CFHR5: variants seen among roughly 807,000 people sequenced by gnomAD.
CFHR5 encodes the protein complement factor H-related protein 5.
CFHR5 carries 73 observed loss-of-function variants against 62.9 expected under a neutral mutation model. The observed-to-expected ratio is 1.16, with a 90% CI of 0.96 to 1.41. The LOEUF (loss-of-function observed/expected upper bound fraction) is 1.41, where lower values mean the gene tolerates loss of function less well. Among genes scored for constraint, CFHR5 ranks in the 40% most tolerant of loss-of-function variants. CFHR5 has a pLI of 0.00. For missense variants in CFHR5, 779 were observed against 679.9 expected, an observed-to-expected ratio of 1.15 and a Z score of -1.62; for synonymous variants, 249 against 227.2, an observed-to-expected ratio of 1.10 and a Z score of -0.86.
At chr1:196,991,550 GT>G (rs1653847671) in intron 3 of CFHR5, among the ~76,000 whole-genome samples, 1 of 152,130 alleles carries the variant, frequency 6.6e-6, no homozygotes, top group Admixed American at 6.6e-5. Flanking sequence ...ATGGGGTTTT[GT>G]TGTGGATGTC....
intron 3 of CFHR5, among the ~76,000 whole-genome samples, chr1:196,991,432 G>A (rs1373814770): frequency 1.3e-5 from 2 of 152,116 alleles, no homozygotes; most frequent in African/African-American, 4.8e-5. Context: ...TGATCCTTTG[G>A]AGGAGAAGAG....
At chr1:196,988,042 C>T (rs193235684) in intron 3 of CFHR5, among the ~76,000 whole-genome samples, 67 of 152,200 alleles carry the variant, frequency 4.4e-4, no homozygotes, top group East Asian at 2.1e-3. Flanking sequence ...TCTTTTATTT[C>T]GCTGAGCAGT....
In CFHR5 at chr1:196,994,228, G is replaced by C; in HGVS notation, c.579G>C (p.Gly193=). The C allele has an allele frequency of 6.2e-7, 1 of 1,613,572 alleles. No homozygotes were observed. The highest frequency in any genetic ancestry group is 8.5e-7 in the Non-Finnish European group (1 of 1,179,724). ...GSDSVQCYQF[G]WSPNFPTCKG... is the part of the protein sequence containing the mutation. Reference sequence around the variant, plus strand: ...ACTCAGTTCAATGTTACCAATTTGGGTGGTCACCTAACTTTCCAACATGCA... The same window carrying C: ...ACTCAGTTCAATGTTACCAATTTGGCTGGTCACCTAACTTTCCAACATGCA... Residue 193 remains glycine (G), a synonymous_variant, in exon 4 of 10, where the codon GGG becomes GGC. Coordinates refer to ENST00000256785, the MANE Select transcript of CFHR5 (RefSeq NM_030787.4).
intron 1 of CFHR5, among the ~76,000 whole-genome samples, chr1:196,982,305 A>G (rs1206267905): frequency 6.6e-6 from 1 of 152,178 alleles, no homozygotes; most frequent in Non-Finnish European, 1.5e-5. Context: ...GTGTGAGGAT[A>G]TTGTTCTTGA....
chr1:196,986,273 C>T (rs1653679173), intron 3 of CFHR5, among the ~76,000 whole-genome samples: 1 of 152,048 alleles, frequency 6.6e-6, no homozygotes, highest in East Asian at 1.9e-4. Context: ...ATGGCGTCAT[C>T]TCTGGGGGCC....
intron 9 of CFHR5, among the ~76,000 whole-genome samples, chr1:197,006,691 A>C (rs932162428): frequency 4.8e-5 from 7 of 144,768 alleles, no homozygotes; most frequent in Non-Finnish European, 7.6e-5. Context: ...CAGCCTGGGC[A>C]ACAAGAGTGA....
intron 3 of CFHR5, among the ~76,000 whole-genome samples, chr1:196,987,944 A>C (rs192324229): frequency 6.6e-6 from 1 of 152,138 alleles, no homozygotes; most frequent in African/African-American, 2.4e-5. Flanking sequence ...CATTGACTCT[A>C]TAAATTACCT....
chr1:196,979,201 A>G (rs1466599517), intron 1 of CFHR5, among the ~76,000 whole-genome samples: 4 of 152,092 alleles, frequency 2.6e-5, no homozygotes, highest in Non-Finnish European at 5.9e-5. Context: ...TCCTAAAAGA[A>G]AAGCAAAATG....
At chr1:197,004,605 T>C in intron 8 of CFHR5, 56 bp from the exon 9 acceptor site, 1 of 1,312,110 alleles carries the variant, frequency 7.6e-7, no homozygotes, top group Non-Finnish European at 1.1e-6. Context: ...GATGCTTCAT[T>C]ATATTATTTT....
rs1397030509 is a variant in CFHR5 at position 196,977,612 on chromosome 1, A to G, written c.-53A>G. On this transcript the variant is annotated 5_prime_UTR_variant, in exon 1 of 10. Transcript: ENST00000256785. The stretch of plus-strand genomic sequence containing the variant: ...CTGTTAATGAAAGCAGATTTAAAGC[A>G]ACACCACCATCACTGGAGTATTTTT... The G allele has an allele frequency of 1.4e-6, 2 of 1,395,996 alleles. No individual in the cohort carries two copies. The highest frequency in any genetic ancestry group is 1.0e-6 in the Non-Finnish European group (1 of 981,854). The allele number at this position is 1,395,996 out of a possible 1,614,324, so 86.5% of individuals were successfully genotyped here. A position where few individuals can be genotyped will look rare whatever the true frequency, so the allele number is the denominator to read the frequency against.
chr1:196,995,981 A>G (rs765242107), intron 5 of CFHR5, 41 bp from the exon 6 acceptor site: 1 of 1,604,510 alleles, frequency 6.2e-7, no homozygotes, highest in South Asian at 1.1e-5. Context: ...CAGATTTAAA[A>G]TATTTTCAGA....
chr1:196,979,904 A>C (rs1653494310), intron 1 of CFHR5, among the ~76,000 whole-genome samples: 1 of 152,096 alleles, frequency 6.6e-6, no homozygotes, highest in African/African-American at 2.4e-5. Context: ...TATCAACTGA[A>C]AATCTTTTAA....
chr1:196,977,789 A>G, intron 1 of CFHR5, 67 bp downstream of exon 1: 5 of 1,109,260 alleles, frequency 4.5e-6, no homozygotes, highest in East Asian at 2.4e-5. Context: ...GTGTGTGTGT[A>G]TGCATACAAA....
At chr1:196,999,683 G>GTATATATATATATATA (rs35191504) in intron 7 of CFHR5, among the ~76,000 whole-genome samples, 7 of 110,622 alleles carry the variant, frequency 6.3e-5, no homozygotes, top group Non-Finnish European at 8.5e-5. Flanking sequence ...TTGGGAAAAA[G>GTATATATATATATATA]TATATATATA....
At chr1:196,975,561 T>G (rs1653377518), upstream of CFHR5, among the ~76,000 whole-genome samples, 1 of 152,110 alleles carries the variant, frequency 6.6e-6, no homozygotes, top group Admixed American at 6.5e-5. Context: ...CAAGAGACAA[T>G]GCAGAAAAGG....
chr1:197,002,436 TACTTA>T, intron 7 of CFHR5, 41 bp from the exon 8 acceptor site: 1 of 1,483,326 alleles, frequency 6.7e-7, no homozygotes, highest in Non-Finnish European at 9.3e-7. Context: ...GAGCTGTTTT[TACTTA>T]ACTTTTATTA....
intron 6 of CFHR5, among the ~76,000 whole-genome samples, chr1:196,997,514 G>GA (rs1431908501): frequency 9.2e-5 from 14 of 152,096 alleles, no homozygotes; most frequent in Admixed American, 4.6e-4. Context: ...TGGGAAACGG[G>GA]AAAAAAATGT....
intron 7 of CFHR5, among the ~76,000 whole-genome samples, chr1:197,000,921 C>G (rs574613333): frequency 2.0e-5 from 3 of 152,262 alleles, no homozygotes; most frequent in East Asian, 3.9e-4. Flanking sequence ...ACTGACCCAT[C>G]TATCTATCAA....
chr1:197,003,430 C>T (rs1239538250), intron 8 of CFHR5, among the ~76,000 whole-genome samples: 4 of 152,106 alleles, frequency 2.6e-5, no homozygotes, highest in African/African-American at 7.2e-5. Flanking sequence ...TGTAGGCTCA[C>T]TCCATGATGC....
Sources: allele counts gnomAD v4.1 joint callset (sites outside exome capture counted in the v4.1 genomes callset), GRCh38; gene constraint gnomAD v4.1.1; transcripts MANE v1.5; gene names NCBI Gene and HGNC (gene_info 2026-07-23, HGNC 2026-07-21).